SLC8A1: variants seen among roughly 807,000 people sequenced by gnomAD.
SLC8A1 encodes the protein solute carrier family 8 member A1.
In SLC8A1, 18 loss-of-function variants were observed where a neutral mutation model predicts 68.3. That is an observed-to-expected ratio of 0.26 (90% CI 0.18 to 0.39). SLC8A1 has a LOEUF of 0.39. SLC8A1 is among the 10% of genes least tolerant of loss of function. The pLI is 1.00. For missense variants in SLC8A1, 985 were observed against 1,156.7 expected (o/e 0.85, Z 2.15); for synonymous variants, 475 against 415.5 (o/e 1.14, Z -1.74).
At chr2:40,359,204 G>T (rs10208527) in intron 2 of SLC8A1, among the ~76,000 whole-genome samples, 41,289 of 152,090 alleles carry the variant, frequency 0.27, 6,689 homozygotes, top group Non-Finnish European at 0.35. Flanking sequence ...ACTTTATTTT[G>T]AAGACTGTGA....
At chr2:40,272,984 C>A (rs1012633648) in intron 2 of SLC8A1, among the ~76,000 whole-genome samples, 3 of 152,142 alleles carry the variant, frequency 2.0e-5, no homozygotes, top group African/African-American at 7.2e-5. Context: ...ACTCTGTCAC[C>A]CAGGCTGGAG....
At chr2:40,248,829 G>A (rs190753616) in intron 2 of SLC8A1, among the ~76,000 whole-genome samples, 165 of 152,144 alleles carry the variant, frequency 1.1e-3, no homozygotes, top group Admixed American at 2.7e-3. Flanking sequence ...TGATCTTTAG[G>A]GATTTAGGTT....
Position 40,299,969 on chromosome 2 carries a change from C to T in SLC8A1, c.1809-122114G>A, listed in dbSNP as rs576499452. 3.7e-4 allele frequency among the ~76,000 whole-genome samples: 57 copies of T among 152,256 alleles called. No individual in the cohort carries two copies. The South Asian group carries it at 0.011, about 30-fold the overall frequency. On this transcript the variant is annotated intron_variant, in intron 2 of 7. Transcript: ENST00000406785. ...ATGCATAGATATCTCTATCACATTC[C>T]TGGCTTTTGGGAAAGGAATTGCGCA...
chr2:40,255,109 C>T (rs1268799966), intron 2 of SLC8A1: 1 of 151,046 alleles, frequency 6.6e-6, no homozygotes, highest in African/African-American at 2.4e-5. Flanking sequence ...GCGCTTAAGA[C>T]AAGAATTTTT....
At chr2:40,379,278 C>A (rs1210910610) in intron 2 of SLC8A1, among the ~76,000 whole-genome samples, 11 of 152,114 alleles carry the variant, frequency 7.2e-5, no homozygotes, top group Admixed American at 7.2e-4. Context: ...TGCTACTGAT[C>A]CATGGACCAC....
intron 2 of SLC8A1, among the ~76,000 whole-genome samples, chr2:40,427,298 G>A (rs1049366771): frequency 1.8e-4 from 28 of 151,954 alleles, no homozygotes; most frequent in Non-Finnish European, 3.2e-4. Context: ...ACTTTCAGTA[G>A]GAGAAATTTC....
intron 1 of SLC8A1, among the ~76,000 whole-genome samples, chr2:40,486,876 C>T: frequency 1.0e-5 from 1 of 97,356 alleles, no homozygotes; most frequent in Non-Finnish European, 1.9e-5. Context: ...TCCCCCCTCC[C>T]CCCACCCCTT....
intron 2 of SLC8A1, among the ~76,000 whole-genome samples, chr2:40,400,463 T>C (rs1285231857): frequency 6.6e-6 from 1 of 152,188 alleles, no homozygotes; most frequent in African/African-American, 2.4e-5. Flanking sequence ...CCTGGCAACG[T>C]GGCAAATGTA....
intron 1 of SLC8A1, among the ~76,000 whole-genome samples, chr2:40,434,666 A>G (rs1196825500): frequency 6.6e-6 from 1 of 152,214 alleles, no homozygotes; most frequent in Non-Finnish European, 1.5e-5. Flanking sequence ...TACAACTGTG[A>G]GCAGTACTAA....
chr2:40,199,407 A>G (rs1370087177), intron 2 of SLC8A1, among the ~76,000 whole-genome samples: 1 of 151,640 alleles, frequency 6.6e-6, no homozygotes, highest in Admixed American at 6.6e-5. Context: ...TAATCATACT[A>G]CAGAGAATAG....
chr2:40,224,570 C>T lies in SLC8A1; in HGVS notation c.1809-46715G>A, dbSNP rs766268520. ...CATGGCTGTGCAGCTCCATCATCCA[C>T]GGAAATGAAAAAAATACATAATTGC... is the stretch of plus-strand genomic sequence containing the variant. On this transcript the variant is annotated intron_variant, in intron 2 of 7. Coordinates refer to ENST00000406785, the Ensembl canonical transcript of SLC8A1. Among the ~76,000 whole-genome samples the T allele has an allele frequency of 3.3e-5, 5 of 152,130 alleles. No homozygotes were observed. In the South Asian group the frequency reaches 6.2e-4, roughly 19 times the overall value.
chr2:40,274,141 G>A (rs1247223329), intron 2 of SLC8A1, among the ~76,000 whole-genome samples: 1 of 150,044 alleles, frequency 6.7e-6, no homozygotes, highest in Non-Finnish European at 1.5e-5. Flanking sequence ...AGAAGATGTG[G>A]AACAGCCCTT....
rs1287562352 is a variant in SLC8A1 at position 40,494,184 on chromosome 2, C to T, written c.-25+18165G>A. On this transcript the variant is annotated intron_variant, in intron 1 of 7. Coordinates refer to the SLC8A1 transcript ENST00000402441. The stretch of plus-strand genomic sequence containing the variant: ...CTGTCCCACTTCCATGTGGTGACTC[C>T]CCTATCACTCTTGTAATTGCTTTCA... 4.0e-5 allele frequency among the ~76,000 whole-genome samples: 6 copies of T among 151,872 alleles called. No homozygotes were observed. The East Asian group carries it at 7.8e-4, about 20-fold the overall frequency.
In SLC8A1 at chr2:40,388,058, G is replaced by A. The variant is rs552631724; in HGVS notation, c.1808+40415C>T. On this transcript the variant is annotated intron_variant, in intron 2 of 7. Transcript: ENST00000406785. The stretch of plus-strand genomic sequence containing the variant: ...AAATTGGCATCTCTAAATTGTGACT[G>A]AAAAGTATATAATCCCTTTTCAAAG... Among the ~76,000 whole-genome samples the A allele has an allele frequency of 1.7e-3, 264 of 151,672 alleles. 1 individual carries two copies. Among genetic ancestry groups the A allele is most frequent in the African/African-American group, 6.0e-3 (250 of 41,346 alleles).
At chr2:40,221,545 G>A (rs549284155) in intron 2 of SLC8A1, among the ~76,000 whole-genome samples, 1 of 152,312 alleles carries the variant, frequency 6.6e-6, no homozygotes, top group African/African-American at 2.4e-5. Context: ...AGTCAGGCAA[G>A]AGAAAGAAAT....
intron 2 of SLC8A1, among the ~76,000 whole-genome samples, chr2:40,408,257 A>T (rs984750322): frequency 6.6e-6 from 1 of 152,208 alleles, no homozygotes; most frequent in Non-Finnish European, 1.5e-5. Flanking sequence ...ATCTAAACTT[A>T]TACCTTCAAA....
intron 2 of SLC8A1, among the ~76,000 whole-genome samples, chr2:40,350,044 C>G (rs958108394): frequency 6.6e-6 from 1 of 152,174 alleles, no homozygotes; most frequent in African/African-American, 2.4e-5. Flanking sequence ...TTTTCCTAAA[C>G]TCACAGCTTA....
At chr2:40,168,821 A>G (rs2046984275) in intron 4 of SLC8A1, among the ~76,000 whole-genome samples, 1 of 152,210 alleles carries the variant, frequency 6.6e-6, no homozygotes, top group African/African-American at 2.4e-5. Context: ...CTGAGTGCAC[A>G]TGCACACTTT....
intron 1 of SLC8A1, among the ~76,000 whole-genome samples, chr2:40,482,653 GA>G (rs1369214823): frequency 6.6e-6 from 1 of 152,130 alleles, no homozygotes; most frequent in African/African-American, 2.4e-5. Flanking sequence ...GTGGGGATTT[GA>G]ATCCAGACAG....
Sources: gnomAD v4.1 joint callset for allele counts (sites outside exome capture counted in the v4.1 genomes callset) on GRCh38, gnomAD v4.1.1 for gene constraint, MANE v1.5 for transcripts, NCBI Gene and HGNC (gene_info 2026-07-23, HGNC 2026-07-21) for gene names.